The following ANKRD12 variants were observed in gnomAD, a reference collection of about 807,000 sequenced individuals.
ANKRD12 encodes ankyrin repeat domain-containing protein 12.
ANKRD12 carries 85 observed loss-of-function variants against 183.4 expected under a neutral mutation model. That is an observed-to-expected ratio of 0.46 (90% CI 0.39 to 0.56). The LOEUF (loss-of-function observed/expected upper bound fraction) is 0.56. Among genes scored for constraint, ANKRD12 ranks in the 20% least tolerant of loss-of-function variants. The probability of loss-of-function intolerance (pLI) is 0.00; values close to 1 mark genes in which losing one functional copy is unlikely to be tolerated. For missense variants in ANKRD12, 2,405 were observed against 2,357.1 expected (o/e 1.02, Z -0.42); for synonymous variants, 914 against 800.2 (o/e 1.14, Z -2.40).
intron 10 of ANKRD12, among the ~76,000 whole-genome samples, chr18:9,266,878 C>T (rs536075210): frequency 2.0e-5 from 3 of 152,102 alleles, no homozygotes; most frequent in East Asian, 1.9e-4. Flanking sequence ...ACCCATCTCA[C>T]GTGCAGAGAC....
intron 1 of ANKRD12, among the ~76,000 whole-genome samples, chr18:9,145,729 G>A (rs2078471458): frequency 6.6e-6 from 1 of 152,186 alleles, no homozygotes; most frequent in Non-Finnish European, 1.5e-5. Flanking sequence ...ACTAGGATGA[G>A]GGGCTTAATA....
chr18:9,154,572 A>C (rs571801461), intron 1 of ANKRD12, among the ~76,000 whole-genome samples: 33 of 152,140 alleles, frequency 2.2e-4, no homozygotes, highest in Middle Eastern at 3.4e-3. Context: ...AACAACAACA[A>C]CACACACTCT....
intron 9 of ANKRD12, among the ~76,000 whole-genome samples, chr18:9,261,507 T>G (rs965801979): frequency 1.3e-5 from 2 of 152,360 alleles, no homozygotes; most frequent in African/African-American, 4.8e-5. Flanking sequence ...GGGCCCAATC[T>G]TCTGTGGAAC....
At position 9,141,716 on chromosome 18, in the gene ANKRD12, A is replaced by T. The variant is rs534039304; in HGVS notation, c.-52+4751A>T. 1.3e-5 allele frequency among the ~76,000 whole-genome samples: 2 copies of T among 152,324 alleles called. 1 individual carries two copies. Among genetic ancestry groups the T allele is most frequent in the South Asian group, 4.1e-4 (2 of 4,828 alleles). On this transcript the variant is annotated intron_variant, in intron 1 of 12. Transcript: ENST00000262126. ...TCCTTAACATCTGTTTATTGGGCTA[A>T]AATTGTTTCAAAATATGTAATAGTT...
At chr18:9,168,713 A>G (rs985366393) in intron 1 of ANKRD12, among the ~76,000 whole-genome samples, 2 of 151,628 alleles carry the variant, frequency 1.3e-5, no homozygotes, top group African/African-American at 4.9e-5. Context: ...TTGTGTCTCT[A>G]TTTCCTTCAG....
intron 1 of ANKRD12, among the ~76,000 whole-genome samples, chr18:9,174,383 T>G (rs1016303232): frequency 6.6e-6 from 1 of 152,180 alleles, no homozygotes; most frequent in Admixed American, 6.5e-5. Flanking sequence ...TTGTTGGGAT[T>G]CCCAAGGGTG....
chr18:9,203,572 CAT>C (rs1191713449), intron 3 of ANKRD12, among the ~76,000 whole-genome samples: 14 of 149,572 alleles, frequency 9.4e-5, no homozygotes, highest in Admixed American at 2.7e-4. Flanking sequence ...GGCAGAATTC[CAT>C]ATATATATAT....
intron 1 of ANKRD12, among the ~76,000 whole-genome samples, chr18:9,170,943 G>C (rs1270094238): frequency 1.3e-5 from 2 of 152,188 alleles, no homozygotes; most frequent in Non-Finnish European, 1.5e-5. Context: ...CTCAGCTGCA[G>C]GTCTGTTGGA....
rs9956967 is a variant in ANKRD12, at chr18:9,230,119, G to T, written c.943+8120G>T. Among the ~76,000 whole-genome samples, 589 of 152,206 alleles carry T rather than the reference G, an allele frequency of 3.9e-3. 3 individuals are homozygous for T. The highest frequency in any genetic ancestry group is 0.013 in the African/African-American group (524 of 41,532). The stretch of plus-strand genomic sequence containing the variant: ...ATGCTTTGGTAGAATTCTGCAGTGA[G>T]TCCATCTGGTCCCCAGCTTTTCTTT... On this transcript the variant is annotated intron_variant, in intron 8 of 12. Transcript: ENST00000262126.
In ANKRD12 at chr18:9,171,855, A is replaced by T. The variant is rs200822029; in HGVS notation, c.-51-10527A>T. On this transcript the variant is annotated intron_variant, in intron 1 of 12. Transcript: ENST00000262126. ...GCCAACATGGCAAAACCCCATCTCT[A>T]CTAAAAATACAAAAATCGGCTGGGT... Among the ~76,000 whole-genome samples, 31 of 152,100 alleles carry T rather than the reference A, an allele frequency of 2.0e-4. 2 individuals are homozygous for T. The East Asian group carries it at 6.0e-3, about 29-fold the overall frequency.
chr18:9,176,656 C>T (rs1304750932), intron 1 of ANKRD12, among the ~76,000 whole-genome samples: 1 of 152,158 alleles, frequency 6.6e-6, no homozygotes, highest in African/African-American at 2.4e-5. Context: ...TGTACATCTT[C>T]TTTACCCAAA....
At chr18:9,251,615 G>A (rs751196621) in intron 8 of ANKRD12, among the ~76,000 whole-genome samples, 52 of 152,076 alleles carry the variant, frequency 3.4e-4, no homozygotes, top group Admixed American at 3.9e-4. Flanking sequence ...CCAACATGGT[G>A]AAACCCTGTC....
At chr18:9,230,341 CT>C (rs1276849963) in intron 8 of ANKRD12, among the ~76,000 whole-genome samples, 13 of 151,928 alleles carry the variant, frequency 8.6e-5, no homozygotes, top group Non-Finnish European at 1.6e-4. Context: ...TTTTTTATTT[CT>C]GATTTTGTTT....
chr18:9,178,543 T>C (rs1199254766), intron 1 of ANKRD12, among the ~76,000 whole-genome samples: 1 of 152,206 alleles, frequency 6.6e-6, no homozygotes, highest in Non-Finnish European at 1.5e-5. Flanking sequence ...TCTTGCTTAC[T>C]GTATCTTTGT....
At chr18:9,266,572 A>G (rs941942866) in intron 10 of ANKRD12, among the ~76,000 whole-genome samples, 25 of 152,178 alleles carry the variant, frequency 1.6e-4, no homozygotes, top group Non-Finnish European at 2.9e-4. Context: ...ATGCTGAGAG[A>G]TTTTGTCACT....
At chr18:9,157,442 G>A (rs2030658112) in intron 1 of ANKRD12, among the ~76,000 whole-genome samples, 1 of 151,838 alleles carries the variant, frequency 6.6e-6, no homozygotes, top group Non-Finnish European at 1.5e-5. Context: ...GAGTACGTAT[G>A]ACTTTTGCAC....
chr18:9,267,176 A>C lies in ANKRD12; in HGVS notation c.5763+3288A>C, dbSNP rs185072209. ...CCCACACAATAATACTAATAATGGG[A>C]GACGTTAACACCCCACTGTCAACAT... On this transcript the variant is annotated intron_variant, in intron 10 of 12. Transcript: ENST00000262126. 1.6e-4 allele frequency among the ~76,000 whole-genome samples: 24 copies of C among 152,340 alleles called. 2 individuals are homozygous for C. The East Asian group carries it at 4.1e-3, about 26-fold the overall frequency.
chr18:9,226,842 G>A (rs571049341), intron 8 of ANKRD12, among the ~76,000 whole-genome samples: 11 of 152,200 alleles, frequency 7.2e-5, no homozygotes, highest in African/African-American at 2.6e-4. Flanking sequence ...AATAAAGCCA[G>A]TTTTGTGTCA....
chr18:9,182,711 A>T (rs1017585334), intron 2 of ANKRD12, among the ~76,000 whole-genome samples, 192 bp downstream of exon 2: 1 of 152,212 alleles, frequency 6.6e-6, no homozygotes, highest in Non-Finnish European at 1.5e-5. Flanking sequence ...GTGAACACAC[A>T]ACTACTAAGT....
Sources: gnomAD v4.1 joint callset for allele counts (sites outside exome capture counted in the v4.1 genomes callset) on GRCh38, gnomAD v4.1.1 for gene constraint, MANE v1.5 for transcripts, NCBI Gene and HGNC (gene_info 2026-07-23, HGNC 2026-07-21) for gene names.